Variants in HS6ST2 observed in about 807,000 individuals in gnomAD.
The protein encoded by HS6ST2 is heparan sulfate 6-O-sulfotransferase 2.
HS6ST2 carries 17 observed loss-of-function variants against 33.0 expected under a neutral mutation model. That is an observed-to-expected ratio of 0.52 (90% CI 0.35 to 0.77). The LOEUF is 0.77. Ranked by LOEUF, HS6ST2 falls within the 30% of genes least tolerant of loss-of-function variation. The pLI is 0.01. For synonymous variants in HS6ST2, 248 were observed against 237.1 expected (o/e 1.05, Z -0.42); for missense variants, 519 against 551.7 (o/e 0.94, Z 0.59).
At chrX:132,722,302 A>G (rs2064340962) in intron 2 of HS6ST2, among the ~76,000 whole-genome samples, 1 of 111,996 alleles carries the variant, frequency 8.9e-6, no homozygotes, top group South Asian at 3.7e-4. Context: ...GTAAATGAAG[A>G]AAACAATACA....
intron 2 of HS6ST2, among the ~76,000 whole-genome samples, chrX:132,858,593 G>A (rs937579726): frequency 1.8e-5 from 2 of 111,773 alleles, no homozygotes; most frequent in African/African-American, 3.3e-5. Flanking sequence ...CGGGGAAGTT[G>A]AGAGTCTTAA....
chrX:132,642,334 GT>G (rs753010367), intron 4 of HS6ST2, among the ~76,000 whole-genome samples: 2 of 111,306 alleles, frequency 1.8e-5, no homozygotes, highest in East Asian at 5.7e-4. Flanking sequence ...CAGGGGAAAA[GT>G]TTTCCCCCTA....
chrX:132,782,450 C>T (rs1368534718), intron 2 of HS6ST2, among the ~76,000 whole-genome samples: 2 of 111,504 alleles, frequency 1.8e-5, no homozygotes, highest in African/African-American at 6.5e-5. Context: ...AGAGAGAGAT[C>T]GTCTTTAAGA....
At chrX:132,756,524 C>T (rs978448481) in intron 2 of HS6ST2, among the ~76,000 whole-genome samples, 1 of 110,643 alleles carries the variant, frequency 9.0e-6, no homozygotes, top group African/African-American at 3.3e-5. Flanking sequence ...TGATCTCTTG[C>T]ACTCTCTTGC....
At chrX:132,709,504 G>T (rs753089744) in intron 2 of HS6ST2, among the ~76,000 whole-genome samples, 1 of 110,718 alleles carries the variant, frequency 9.0e-6, no homozygotes, top group Non-Finnish European at 1.9e-5. Flanking sequence ...TCTCTGGTGC[G>T]GTTAAGCCCC....
At chrX:132,792,983 CA>C (rs1172671309) in intron 2 of HS6ST2, among the ~76,000 whole-genome samples, 2 of 104,269 alleles carry the variant, frequency 1.9e-5, no homozygotes, top group African/African-American at 7.0e-5. Flanking sequence ...ATCAGGTCCA[CA>C]ACAACTCTAG....
chrX:132,779,690 A>T (rs2065001254), intron 2 of HS6ST2, among the ~76,000 whole-genome samples: 1 of 109,201 alleles, frequency 9.2e-6, no homozygotes, highest in Admixed American at 9.6e-5. Context: ...CACGTCCAGA[A>T]CACATAATAA....
rs1195235571 is a variant in HS6ST2 at position 132,787,184 on chromosome X, TATACATATATATATACAC to T, written c.948-78708_948-78691del. ...ATATATATGTATATATATATATATA[TATACATATATATATACAC>T]ATATATATATACACATATATATATA... On this transcript the variant is annotated intron_variant, in intron 2 of 4. Transcript: ENST00000370833. 3.9e-3 allele frequency among the ~76,000 whole-genome samples: 310 copies of T among 79,555 alleles called. 6 individuals are homozygous for T. The highest frequency in any genetic ancestry group is 0.017 in the African/African-American group (303 of 17,351). The allele number at this position is 79,555 out of a possible 115,157, so 69.1% of individuals were successfully genotyped here.
chrX:132,704,300 A>T (rs1342120027), intron 3 of HS6ST2, among the ~76,000 whole-genome samples: 1 of 112,515 alleles, frequency 8.9e-6, no homozygotes, highest in African/African-American at 3.2e-5. Context: ...CACGCCGGTA[A>T]TCCCAGTACT....
At chrX:132,710,286 A>G (rs933818326) in intron 2 of HS6ST2, among the ~76,000 whole-genome samples, 1 of 111,916 alleles carries the variant, frequency 8.9e-6, no homozygotes, top group Non-Finnish European at 1.9e-5. Flanking sequence ...TACTAATTAG[A>G]AGAGAATGAA....
intron 2 of HS6ST2, among the ~76,000 whole-genome samples, chrX:132,802,652 A>T (rs2065245544): frequency 9.1e-6 from 1 of 110,459 alleles, no homozygotes; most frequent in Non-Finnish European, 1.9e-5. Flanking sequence ...ATGCACTCAG[A>T]TACTGCCTGG....
intron 2 of HS6ST2, among the ~76,000 whole-genome samples, chrX:132,769,480 G>C (rs1169518548): frequency 8.9e-6 from 1 of 111,905 alleles, no homozygotes; most frequent in Admixed American, 9.5e-5. Context: ...GCAGCTCAGG[G>C]GGAAAAGTGT....
chrX:132,894,216 A>G (rs1180216133), intron 2 of HS6ST2, among the ~76,000 whole-genome samples: 1 of 107,144 alleles, frequency 9.3e-6, no homozygotes, highest in African/African-American at 3.4e-5. Context: ...ATCTCAGCTC[A>G]CTGCAACCTC....
intron 2 of HS6ST2, among the ~76,000 whole-genome samples, chrX:132,777,688 C>T (rs777074836): frequency 3.7e-5 from 4 of 107,456 alleles, no homozygotes; most frequent in East Asian, 2.9e-4. Context: ...CTCAGGTGAT[C>T]CACCCACCTA....
intron 3 of HS6ST2, among the ~76,000 whole-genome samples, 187 bp from the exon 4 acceptor site, chrX:132,669,386 G>A (rs1025462280): frequency 9.9e-6 from 1 of 101,090 alleles, no homozygotes; most frequent in African/African-American, 3.7e-5. Context: ...CCCTTTAAAG[G>A]TAGAGAGTGG....
At chrX:132,723,902 C>T (rs1411179803) in intron 2 of HS6ST2, among the ~76,000 whole-genome samples, 5 of 111,098 alleles carry the variant, frequency 4.5e-5, no homozygotes, top group South Asian at 3.8e-4. Context: ...TTTGGGAGGC[C>T]GAGGCAGGCG....
chrX:132,898,751 G>A (rs1431226417), intron 2 of HS6ST2, among the ~76,000 whole-genome samples: 4 of 110,385 alleles, frequency 3.6e-5, no homozygotes, highest in Non-Finnish European at 7.6e-5. Flanking sequence ...AGGGAAGAGG[G>A]AGGCCAAAAT....
At chrX:132,800,343 C>A (rs1163128753) in intron 2 of HS6ST2, among the ~76,000 whole-genome samples, 1 of 111,627 alleles carries the variant, frequency 9.0e-6, no homozygotes, top group East Asian at 2.8e-4. Context: ...CCAGATGGGA[C>A]CATCTAATTG....
chrX:132,864,944 G>A (rs776549120), intron 2 of HS6ST2, among the ~76,000 whole-genome samples: 1 of 111,077 alleles, frequency 9.0e-6, no homozygotes, highest in Admixed American at 9.5e-5. Flanking sequence ...AAGAGAATGG[G>A]GGCCAATATT....
Sources: allele counts gnomAD v4.1 joint callset (sites outside exome capture counted in the v4.1 genomes callset), GRCh38; gene constraint gnomAD v4.1.1; transcripts MANE v1.5; gene names NCBI Gene and HGNC (gene_info 2026-07-23, HGNC 2026-07-21).